EHBP1: variants seen among roughly 807,000 people sequenced by gnomAD.
The protein encoded by EHBP1 is EH domain binding protein 1.
A neutral mutation model predicts 144.0 loss-of-function variants in EHBP1; 55 were observed. That is an observed-to-expected ratio of 0.38 (90% CI 0.31 to 0.48). EHBP1 has a LOEUF of 0.48. Ranked by LOEUF, EHBP1 falls within the 20% of genes least tolerant of loss-of-function variation. EHBP1 has a pLI of 0.98. For missense variants in EHBP1, 1,200 were observed against 1,364.2 expected (o/e 0.88, Z 1.90); for synonymous variants, 469 against 472.7 (o/e 0.99, Z 0.10).
intron 7 of EHBP1, among the ~76,000 whole-genome samples, chr2:62,858,934 G>A (rs1376982269): frequency 6.6e-6 from 1 of 152,018 alleles, no homozygotes; most frequent in Non-Finnish European, 1.5e-5. Context: ...AGTTTCTTTA[G>A]TACAGTTCAT....
intron 15 of EHBP1, among the ~76,000 whole-genome samples, chr2:62,986,600 G>A (rs573124015): frequency 4.0e-5 from 6 of 151,694 alleles, no homozygotes; most frequent in East Asian, 3.9e-4. Context: ...CACCACACCC[G>A]GCTAATTTTT....
chr2:62,926,685 A>G (rs2055538418), intron 10 of EHBP1, among the ~76,000 whole-genome samples: 1 of 152,056 alleles, frequency 6.6e-6, no homozygotes, highest in African/African-American at 2.4e-5. Context: ...AACAACAACA[A>G]AAAAACAAAT....
intron 19 of EHBP1, among the ~76,000 whole-genome samples, chr2:63,016,723 G>T (rs555324414): frequency 6.6e-6 from 1 of 151,768 alleles, no homozygotes; most frequent in African/African-American, 2.4e-5. Flanking sequence ...GAGCCATCGC[G>T]CCCAGCCTGA....
At chr2:62,826,830 T>A (rs2046376242) in intron 6 of EHBP1, among the ~76,000 whole-genome samples, 1 of 152,182 alleles carries the variant, frequency 6.6e-6, no homozygotes, top group Non-Finnish European at 1.5e-5. Context: ...TAGTCTCTTA[T>A]AAGAGTAAAA....
chr2:63,008,562 G>A (rs2060137588), intron 19 of EHBP1, among the ~76,000 whole-genome samples: 1 of 148,712 alleles, frequency 6.7e-6, no homozygotes, highest in Non-Finnish European at 1.5e-5. Context: ...ATAAATCACT[G>A]CTTTTTTTTT....
intron 10 of EHBP1, among the ~76,000 whole-genome samples, chr2:62,913,351 G>C (rs77946994): frequency 0.021 from 3,254 of 152,176 alleles, 53 homozygotes; most frequent in Non-Finnish European, 0.032. Context: ...ATCTCATATT[G>C]AAGTTTTGCT....
chr2:62,965,508 T>C (rs1320933502), intron 14 of EHBP1, among the ~76,000 whole-genome samples: 2 of 152,202 alleles, frequency 1.3e-5, no homozygotes, highest in African/African-American at 2.4e-5. Context: ...ACTGATTGCT[T>C]ATATGTGTGT....
chr2:62,701,174 T>C (rs376402839), upstream of EHBP1, among the ~76,000 whole-genome samples: 6 of 152,276 alleles, frequency 3.9e-5, no homozygotes, highest in East Asian at 7.7e-4. Context: ...CACTGTCCAA[T>C]AGGAATATAA....
chr2:62,735,799 C>CT (rs1469562205), intron 2 of EHBP1, among the ~76,000 whole-genome samples: 8 of 152,076 alleles, frequency 5.3e-5, no homozygotes, highest in African/African-American at 1.9e-4. Context: ...GTACAGAATT[C>CT]TAGGTTGGTG....
intron 13 of EHBP1, among the ~76,000 whole-genome samples, chr2:62,949,753 A>C (rs551481872): frequency 1.3e-5 from 2 of 152,280 alleles, no homozygotes; most frequent in African/African-American, 4.8e-5. Flanking sequence ...TGCAGCATCC[A>C]AATTTCTCCT....
intron 10 of EHBP1, among the ~76,000 whole-genome samples, chr2:62,899,268 TGGAGTAGAAC>T (rs1381660164): frequency 6.6e-6 from 1 of 152,156 alleles, no homozygotes; most frequent in Non-Finnish European, 1.5e-5. Context: ...GACTGAGCCT[TGGAGTAGAAC>T]AGTGACATCT....
intron 21 of EHBP1, 124 bp downstream of exon 21, chr2:63,038,940 A>C: frequency 2.6e-6 from 2 of 774,462 alleles, no homozygotes; most frequent in Non-Finnish European, 4.2e-6. Flanking sequence ...ATTGCAAATA[A>C]ATGCCGTGGA....
intron 18 of EHBP1, chr2:62,994,224 A>T: frequency 8.0e-6 from 2 of 250,520 alleles, no homozygotes; most frequent in Non-Finnish European, 7.8e-6. Context: ...CCATCAGGGC[A>T]CTTCCCATAA....
chr2:62,997,393 A>G lies in EHBP1; in HGVS notation c.3103+627A>G, dbSNP rs114521153. ...CTGATTGCCAATGGTGATTGAATAG[A>G]TCTAAGAGCACAATAAGCAATTGGA... On this transcript the variant is annotated intron_variant, in intron 19 of 22. Transcript: ENST00000431489. 2.6e-3 allele frequency among the ~76,000 whole-genome samples: 400 copies of G among 151,460 alleles called. 4 individuals carry two copies. Among genetic ancestry groups the G allele is most frequent in the African/African-American group, 9.4e-3 (390 of 41,318 alleles).
intron 1 of EHBP1, among the ~76,000 whole-genome samples, chr2:62,692,739 T>C (rs2033948468): frequency 9.2e-6 from 1 of 108,520 alleles, no homozygotes. Flanking sequence ...GTATTATAAT[T>C]TTTTTTTAAT....
intron 5 of EHBP1, among the ~76,000 whole-genome samples, chr2:62,790,478 A>T (rs896966326): frequency 2.6e-5 from 4 of 152,118 alleles, no homozygotes; most frequent in African/African-American, 9.7e-5. Flanking sequence ...GCATGTTTAA[A>T]CATTAAACAT....
chr2:62,922,230 C>G (rs943068407), intron 10 of EHBP1, among the ~76,000 whole-genome samples: 2 of 152,126 alleles, frequency 1.3e-5, no homozygotes, highest in African/African-American at 4.8e-5. Context: ...GGTCTTTGTC[C>G]TTTTCATCTT....
intron 10 of EHBP1, among the ~76,000 whole-genome samples, chr2:62,879,218 T>C (rs981557492): frequency 2.0e-5 from 3 of 152,104 alleles, no homozygotes; most frequent in African/African-American, 7.2e-5. Context: ...GTATTCCCCT[T>C]GAGGACCAGA....
intron 10 of EHBP1, among the ~76,000 whole-genome samples, chr2:62,934,176 A>G (rs567911638): frequency 6.6e-6 from 1 of 152,288 alleles, no homozygotes; most frequent in African/African-American, 2.4e-5. Flanking sequence ...TCAGCCCTGT[A>G]AGAAAGCTCC....
Sources: allele counts gnomAD v4.1 joint callset (sites outside exome capture counted in the v4.1 genomes callset), GRCh38; gene constraint gnomAD v4.1.1; transcripts MANE v1.5; gene names NCBI Gene and HGNC (gene_info 2026-07-23, HGNC 2026-07-21).